Variants in LRRC7 observed in about 807,000 individuals in gnomAD.
LRRC7 encodes leucine-rich repeat-containing protein 7.
Under a neutral mutation model 175.7 loss-of-function variants are expected in LRRC7, and 23 were observed. The ratio of observed to expected loss-of-function variants is 0.13; its 90% CI spans 0.09 to 0.19. The LOEUF is 0.19. LRRC7 is among the 10% of genes least tolerant of loss of function. LRRC7 has a pLI of 1.00. For synonymous variants in LRRC7, 685 were observed against 680.9 expected (o/e 1.01, Z -0.09); for missense variants, 1,354 against 1,904.7 (o/e 0.71, Z 5.38).
intron 3 of LRRC7, among the ~76,000 whole-genome samples, chr1:69,766,770 T>C (rs1671666358): frequency 6.6e-6 from 1 of 152,162 alleles, no homozygotes; most frequent in Admixed American, 6.6e-5. Flanking sequence ...ATTTTTATTA[T>C]TTAATTGTAA....
intron 1 of LRRC7, among the ~76,000 whole-genome samples, chr1:69,594,277 AATTT>A (rs942612897): frequency 7.2e-4 from 109 of 152,306 alleles, no homozygotes; most frequent in African/African-American, 2.4e-3. Flanking sequence ...TCATTGAGAT[AATTT>A]ATTAGAAGAA....
At chr1:69,572,129 A>G (rs1162334605) in intron 1 of LRRC7, among the ~76,000 whole-genome samples, 1 of 152,142 alleles carries the variant, frequency 6.6e-6, no homozygotes, top group Non-Finnish European at 1.5e-5. Flanking sequence ...CCGAGTTACC[A>G]TTAACTAATT....
rs187151422 is a variant in LRRC7 at position 70,126,827 on chromosome 1, A to G, written c.*4940A>G. Among the ~76,000 whole-genome samples the G allele has an allele frequency of 1.6e-4, 25 of 152,308 alleles. No individual in the cohort carries two copies. Among genetic ancestry groups the G allele is most frequent in the Non-Finnish European group, 2.8e-4 (19 of 68,026 alleles). On this transcript the variant is annotated 3_prime_UTR_variant, in exon 27 of 27. Coordinates refer to ENST00000651989, the MANE Select transcript of LRRC7 (RefSeq NM_001370785.2). ...AATCAAGTTTTCCAGTCATATCCTGAACCTTCTGGGGGCATTTCTGTTTCT... is the reference window on the plus strand; with the variant it reads ...AATCAAGTTTTCCAGTCATATCCTGGACCTTCTGGGGGCATTTCTGTTTCT...
chr1:70,004,017 T>C (rs1655773034), intron 11 of LRRC7, among the ~76,000 whole-genome samples: 1 of 152,172 alleles, frequency 6.6e-6, no homozygotes, highest in African/African-American at 2.4e-5. Flanking sequence ...TAATCAACTT[T>C]CTAAATAGTG....
At chr1:69,800,153 A>G (rs542252285) in intron 4 of LRRC7, among the ~76,000 whole-genome samples, 12 of 152,110 alleles carry the variant, frequency 7.9e-5, no homozygotes, top group Middle Eastern at 3.4e-3. Flanking sequence ...GCCTTGTAGT[A>G]TAATTTGGGG....
chr1:70,067,740 A>G (rs1433940125), intron 23 of LRRC7, among the ~76,000 whole-genome samples: 4 of 152,118 alleles, frequency 2.6e-5, no homozygotes, highest in East Asian at 1.9e-4. Flanking sequence ...CTTTCATTCC[A>G]TAAGTATAGT....
At chr1:69,853,974 A>T (rs1683302541) in intron 7 of LRRC7, among the ~76,000 whole-genome samples, 1 of 152,154 alleles carries the variant, frequency 6.6e-6, no homozygotes, top group Non-Finnish European at 1.5e-5. Flanking sequence ...TTAAATTATG[A>T]TTATGTTTGT....
At chr1:69,660,476 C>T (rs1215667770) in intron 1 of LRRC7, among the ~76,000 whole-genome samples, 1 of 151,848 alleles carries the variant, frequency 6.6e-6, no homozygotes, top group Non-Finnish European at 1.5e-5. Flanking sequence ...AGATAAAAGC[C>T]GATGTTAGAT....
intron 1 of LRRC7, among the ~76,000 whole-genome samples, chr1:69,584,734 T>A (rs1379838033): frequency 6.6e-6 from 1 of 152,122 alleles, no homozygotes; most frequent in African/African-American, 2.4e-5. Flanking sequence ...AAGACAAAAA[T>A]TAATATGTTT....
intron 8 of LRRC7, among the ~76,000 whole-genome samples, chr1:69,935,391 A>C (rs1174210789): frequency 6.6e-6 from 1 of 152,190 alleles, no homozygotes; most frequent in African/African-American, 2.4e-5. Context: ...AGATATTTCT[A>C]CCTACCAAAT....
intron 3 of LRRC7, among the ~76,000 whole-genome samples, chr1:69,769,971 T>C (rs532345283): frequency 6.6e-6 from 1 of 152,184 alleles, no homozygotes; most frequent in South Asian, 2.1e-4. Flanking sequence ...ATAGAACTAA[T>C]AGGGGCCTAA....
At chr1:69,999,030 C>G (rs1655277021) in intron 11 of LRRC7, among the ~76,000 whole-genome samples, 1 of 152,226 alleles carries the variant, frequency 6.6e-6, no homozygotes, top group Admixed American at 6.5e-5. Flanking sequence ...AACTCTGTCT[C>G]CTCCCCAGCA....
rs1194479311 is a variant in LRRC7 at position 70,016,489 on chromosome 1, T to C, written c.1275T>C (p.Phe425=). The change falls in exon 14 of 27, where the codon TTT becomes TTC. Residue 425 remains phenylalanine (F), a synonymous_variant. Transcript: ENST00000651989. The part of the protein sequence containing the change: ...DNRLKNLPFS[F]TKLKELAALW... Reference sequence around the variant, plus strand: ...GATTGAAGAATTTACCATTCTCATTTACCAAACTTAAAGAGCTTGCAGCTT... The same window carrying C: ...GATTGAAGAATTTACCATTCTCATTCACCAAACTTAAAGAGCTTGCAGCTT... 11 of 1,590,056 alleles carry C rather than the reference T, an allele frequency of 6.9e-6. No individual in the cohort carries two copies. The highest frequency in any genetic ancestry group is 8.6e-6 in the Non-Finnish European group (10 of 1,168,874).
At chr1:69,714,963 A>G (rs2180424) in intron 2 of LRRC7, among the ~76,000 whole-genome samples, 1 of 152,208 alleles carries the variant, frequency 6.6e-6, no homozygotes, top group Non-Finnish European at 1.5e-5. Context: ...AAAGAATTGT[A>G]TCAATTAAAC....
intron 24 of LRRC7, among the ~76,000 whole-genome samples, chr1:70,087,770 A>G (rs1428410399): frequency 6.6e-6 from 1 of 152,194 alleles, no homozygotes; most frequent in Non-Finnish European, 1.5e-5. Context: ...ATTAATGACT[A>G]CATAAAAATC....
Position 69,854,922 on chromosome 1 carries a change from GA to G in LRRC7, c.647+16640del, listed in dbSNP as rs758789306. The stretch of plus-strand genomic sequence containing the variant: ...CGAAGTGGGGGGGACCTGGGCTTTA[GA>G]GTGCAGCAAACATGATTCCAAATCT... On this transcript the variant is annotated intron_variant, in intron 7 of 26. Coordinates refer to ENST00000651989, the MANE Select transcript of LRRC7 (RefSeq NM_001370785.2). 7.9e-5 allele frequency among the ~76,000 whole-genome samples: 12 copies of G among 152,194 alleles called. No individual in the cohort carries two copies. In the East Asian group the frequency reaches 1.7e-3, roughly 22 times the overall value.
chr1:69,588,111 G>A (rs1646476820), intron 1 of LRRC7, among the ~76,000 whole-genome samples: 1 of 152,094 alleles, frequency 6.6e-6, no homozygotes, highest in Non-Finnish European at 1.5e-5. Context: ...CTCCATGAAG[G>A]CTTTCTATAC....
At chr1:70,032,253 C>G (rs1322991558) in intron 18 of LRRC7, among the ~76,000 whole-genome samples, 1 of 152,074 alleles carries the variant, frequency 6.6e-6, no homozygotes, top group African/African-American at 2.4e-5. Context: ...GCAACAACAC[C>G]CATGGGTGCC....
At chr1:69,676,112 C>T (rs1659739739) in intron 1 of LRRC7, among the ~76,000 whole-genome samples, 1 of 151,564 alleles carries the variant, frequency 6.6e-6, no homozygotes, top group Non-Finnish European at 1.5e-5. Flanking sequence ...TTTTTTTAAG[C>T]CCCAATGATA....
Sources: gnomAD v4.1 joint callset for allele counts (sites outside exome capture counted in the v4.1 genomes callset) on GRCh38, gnomAD v4.1.1 for gene constraint, MANE v1.5 for transcripts, NCBI Gene and HGNC (gene_info 2026-07-23, HGNC 2026-07-21) for gene names.